COX10: variants seen among roughly 807,000 people sequenced by gnomAD.
COX10 encodes the protein cytochrome c oxidase assembly factor heme A:farnesyltransferase COX10, also known as protoheme IX farnesyltransferase, mitochondrial.
A neutral mutation model predicts 37.3 loss-of-function variants in COX10; 27 were observed. The ratio of observed to expected loss-of-function variants is 0.72; its 90% CI spans 0.53 to 1.00. The LOEUF (loss-of-function observed/expected upper bound fraction) is 1.00. COX10 is among the 50% of genes least tolerant of loss of function. The pLI, the probability that COX10 is intolerant of heterozygous loss-of-function variation, is 0.00. For synonymous variants in COX10, 222 were observed against 229.1 expected, an observed-to-expected ratio of 0.97 and a Z score of 0.28; for missense variants, 475 against 563.2, an observed-to-expected ratio of 0.84 and a Z score of 1.59.
intron 5 of COX10, among the ~76,000 whole-genome samples, chr17:14,175,268 T>C (rs1002497282): frequency 2.6e-5 from 4 of 151,814 alleles, no homozygotes; most frequent in Non-Finnish European, 2.9e-5. Context: ...TTGAAAATTA[T>C]GTTCTGTTTT....
chr17:14,166,768 C>T (rs1045278932), intron 5 of COX10, among the ~76,000 whole-genome samples: 48 of 149,834 alleles, frequency 3.2e-4, no homozygotes, highest in African/African-American at 1.0e-3. Context: ...TGTGCCACCA[C>T]GCCTGGCTAT....
chr17:14,151,064 C>T (rs1482174585), intron 4 of COX10, among the ~76,000 whole-genome samples: 1 of 119,468 alleles, frequency 8.4e-6, no homozygotes, highest in African/African-American at 3.8e-5. Context: ...TTATAAAGCA[C>T]AGGAAAAAAA....
chr17:14,204,146 G>A (rs1597550638), intron 6 of COX10, among the ~76,000 whole-genome samples: 3 of 152,194 alleles, frequency 2.0e-5, no homozygotes, highest in Middle Eastern at 3.4e-3. Flanking sequence ...GGAGATTCAC[G>A]GGAAAGTGAA....
intron 3 of COX10, among the ~76,000 whole-genome samples, chr17:14,080,820 G>T (rs1013096016): frequency 6.7e-6 from 1 of 149,452 alleles, no homozygotes; most frequent in African/African-American, 2.5e-5. Flanking sequence ...GTATTTTGTT[G>T]TTTTGTTTTG....
intron 5 of COX10, among the ~76,000 whole-genome samples, chr17:14,167,340 G>T (rs185291068): frequency 2.3e-3 from 345 of 152,300 alleles, no homozygotes; most frequent in African/African-American, 8.1e-3. Context: ...GAACATTGTT[G>T]AAATGAAAAC....
intron 3 of COX10, among the ~76,000 whole-genome samples, chr17:14,098,640 G>A (rs1262870156): frequency 6.6e-6 from 1 of 152,102 alleles, no homozygotes; most frequent in Non-Finnish European, 1.5e-5. Context: ...TTAAATGTGT[G>A]CAGGTAAAAC....
intron 3 of COX10, among the ~76,000 whole-genome samples, chr17:14,080,169 A>C (rs575059899): frequency 6.6e-6 from 1 of 152,014 alleles, no homozygotes; most frequent in East Asian, 1.9e-4. Context: ...GTTTCTAAAA[A>C]GATAGTATAA....
intron 4 of COX10, among the ~76,000 whole-genome samples, chr17:14,116,675 A>G (rs1567594793): frequency 6.6e-6 from 1 of 150,612 alleles, no homozygotes; most frequent in African/African-American, 2.4e-5. Context: ...ACACACACAC[A>G]CGTGTTAGCT....
Position 14,102,007 on chromosome 17 carries a change from T to C in COX10, c.500-111T>C, listed in dbSNP as rs181303216. The C allele has an allele frequency of 1.1e-4, 141 of 1,339,896 alleles. 1 individual carries two copies. Among genetic ancestry groups the C allele is most frequent in the Admixed American group, 2.0e-4 (12 of 59,248 alleles). The allele number at this position is 1,339,896 out of a possible 1,614,324, so 83.0% of individuals were successfully genotyped here. ...AAAGATCAGCCTGTACTTTGTGTTA[T>C]TAATATAATCAATTAGTTTATATGA... On this transcript the variant is annotated intron_variant, in intron 3 of 6. Coordinates refer to ENST00000261643, the MANE Select transcript of COX10 (RefSeq NM_001303.4).
intron 4 of COX10, among the ~76,000 whole-genome samples, chr17:14,144,633 A>G (rs1456526391): frequency 6.6e-6 from 1 of 152,188 alleles, no homozygotes; most frequent in Admixed American, 6.6e-5. Context: ...AAGAATGAAC[A>G]GTTTTTAAAA....
intron 5 of COX10, among the ~76,000 whole-genome samples, chr17:14,190,193 A>T (rs1322135450): frequency 1.3e-5 from 2 of 152,182 alleles, no homozygotes; most frequent in Non-Finnish European, 2.9e-5. Flanking sequence ...AAGGAACGAA[A>T]ATGGAAATCA....
chr17:14,131,621 A>G (rs1916468815), intron 4 of COX10, among the ~76,000 whole-genome samples: 1 of 152,096 alleles, frequency 6.6e-6, no homozygotes, highest in Admixed American at 6.6e-5. Context: ...AAGAAATAAA[A>G]CATTTCATTT....
intron 5 of COX10, among the ~76,000 whole-genome samples, chr17:14,182,487 T>C (rs2529644): frequency 6.6e-6 from 1 of 152,152 alleles, no homozygotes; most frequent in Non-Finnish European, 1.5e-5. Flanking sequence ...TTTACATCAG[T>C]CGTCTGCCAC....
At chr17:14,180,768 C>G (rs1905833251) in intron 5 of COX10, among the ~76,000 whole-genome samples, 1 of 152,184 alleles carries the variant, frequency 6.6e-6, no homozygotes, top group Admixed American at 6.5e-5. Flanking sequence ...AATGTCTCTT[C>G]ACTTTGATTC....
chr17:14,154,386 A>G lies in COX10; in HGVS notation c.625-5491A>G, dbSNP rs549811734. 6.6e-5 allele frequency among the ~76,000 whole-genome samples: 10 copies of G among 152,344 alleles called. No individual in the cohort carries two copies. In the East Asian group the frequency reaches 1.4e-3, roughly 21 times the overall value. On this transcript the variant is annotated intron_variant, in intron 4 of 6. Transcript: ENST00000261643. ...TAGAGTGACATTGCTATGTTGTAAA[A>G]TTATAAAAGATTTATTCACTTGACC...
chr17:14,100,442 G>T (rs531596559), intron 3 of COX10, among the ~76,000 whole-genome samples: 1 of 152,262 alleles, frequency 6.6e-6, no homozygotes, highest in East Asian at 1.9e-4. Flanking sequence ...TGTGAGCGAG[G>T]GAGTAACTGG....
intron 6 of COX10, among the ~76,000 whole-genome samples, chr17:14,205,720 G>A (rs1906679423): frequency 6.6e-6 from 1 of 152,136 alleles, no homozygotes; most frequent in South Asian, 2.1e-4. Context: ...AAGCAGCCTT[G>A]TTTTGAATTG....
At chr17:14,173,506 T>C (rs1362481464) in intron 5 of COX10, among the ~76,000 whole-genome samples, 3 of 152,154 alleles carry the variant, frequency 2.0e-5, no homozygotes, top group African/African-American at 4.8e-5. Flanking sequence ...TGAGCAAAGA[T>C]GCAAAGATGG....
chr17:14,087,278 C>CT (rs904240459), intron 3 of COX10, among the ~76,000 whole-genome samples: 6 of 152,050 alleles, frequency 3.9e-5, no homozygotes, highest in African/African-American at 1.2e-4. Context: ...TTCCATGCTA[C>CT]TTTTTTTTCT....
Sources: gnomAD v4.1 joint callset for allele counts (sites outside exome capture counted in the v4.1 genomes callset) on GRCh38, gnomAD v4.1.1 for gene constraint, MANE v1.5 for transcripts, NCBI Gene and HGNC (gene_info 2026-07-23, HGNC 2026-07-21) for gene names.